The following ASMTL variants were observed in gnomAD, a reference collection of about 807,000 sequenced individuals.
ASMTL encodes probable bifunctional dTTP/UTP pyrophosphatase/methyltransferase protein.
A neutral mutation model predicts 60.3 loss-of-function variants in ASMTL; 57 were observed. That is an observed-to-expected ratio of 0.95 (90% CI 0.76 to 1.18). The LOEUF (loss-of-function observed/expected upper bound fraction) is 1.18. Among genes scored for constraint, ASMTL ranks in the 50% most tolerant of loss-of-function variants. The probability of loss-of-function intolerance (pLI) is 0.00; values close to 1 mark genes in which losing one functional copy is unlikely to be tolerated. For missense variants in ASMTL, 981 were observed against 852.6 expected, an observed-to-expected ratio of 1.15 and a Z score of -1.88; for synonymous variants, 419 against 373.0, an observed-to-expected ratio of 1.12 and a Z score of -1.42.
chrX:1,452,271 A>G (rs1305556646), intron 1 of ASMTL, among the ~76,000 whole-genome samples: 1 of 52,512 alleles, frequency 1.9e-5, no homozygotes. Flanking sequence ...TTACTCCCCC[A>G]CCCCCATCCC....
chrX:1,408,139 TGCA>T (rs1259564766), intron 12 of ASMTL, among the ~76,000 whole-genome samples: 1 of 116,792 alleles, frequency 8.6e-6, no homozygotes, highest in Non-Finnish European at 1.9e-5. Context: ...AGGTCAAGGC[TGCA>T]GTGAACTATG....
At chrX:1,446,632 T>A (rs1448973399) in intron 1 of ASMTL, among the ~76,000 whole-genome samples, 1 of 151,854 alleles carries the variant, frequency 6.6e-6, no homozygotes, top group African/African-American at 2.4e-5. Flanking sequence ...CCCAAGTAGC[T>A]GGGACTGCAG....
intron 1 of ASMTL, among the ~76,000 whole-genome samples, chrX:1,448,090 GCCATCTTGGATAAGCACCA>G (rs1221087441): frequency 1.4e-5 from 2 of 141,966 alleles, no homozygotes; most frequent in East Asian, 4.3e-4. Context: ...GACACACACA[GCCATCTTGGATAAGCACCA>G]CCATCTTGGA....
intron 11 of ASMTL, among the ~76,000 whole-genome samples, chrX:1,415,532 C>G (rs1222134163): frequency 6.7e-6 from 1 of 149,526 alleles, no homozygotes; most frequent in African/African-American, 2.5e-5. Context: ...GTGGTGAGAT[C>G]TCAGCTCACT....
chrX:1,412,060 G>A (rs1173385795), intron 12 of ASMTL, among the ~76,000 whole-genome samples: 25 of 151,140 alleles, frequency 1.7e-4, no homozygotes, highest in African/African-American at 5.8e-4. Flanking sequence ...CAGGTGATCC[G>A]CCCGCCTCGG....
intron 1 of ASMTL, among the ~76,000 whole-genome samples, chrX:1,445,595 T>G (rs1338085917): frequency 6.6e-6 from 1 of 152,124 alleles, no homozygotes; most frequent in Non-Finnish European, 1.5e-5. Flanking sequence ...CTATGTCAAG[T>G]TGCACCTCTC....
intron 3 of ASMTL, among the ~76,000 whole-genome samples, chrX:1,437,682 G>C (rs1347958727): frequency 1.3e-5 from 2 of 151,984 alleles, no homozygotes; most frequent in Non-Finnish European, 2.9e-5. Flanking sequence ...TGGATCACAA[G>C]GTCAGGAGAT....
chrX:1,415,214 T>TCCAGGTGTGAGCCTGGGCACGTGGC (rs1556655725), intron 11 of ASMTL, among the ~76,000 whole-genome samples: 1 of 151,926 alleles, frequency 6.6e-6, no homozygotes, highest in Admixed American at 6.5e-5. Flanking sequence ...GGGCTGGGAT[T>TCCAGGTGTGAGCCTGGGCACGTGGC]CCAGGCGTCT....
chrX:1,452,116 CT>C (rs1350920471), intron 1 of ASMTL, among the ~76,000 whole-genome samples: 11 of 145,862 alleles, frequency 7.5e-5, no homozygotes, highest in Middle Eastern at 4.2e-3. Flanking sequence ...CTAGGGGGTC[CT>C]GGGTCACTCT....
intron 3 of ASMTL, among the ~76,000 whole-genome samples, chrX:1,436,335 G>T (rs2090963157): frequency 6.6e-6 from 1 of 151,774 alleles, no homozygotes; most frequent in Non-Finnish European, 1.5e-5. Context: ...CACCATGCCT[G>T]GCTAATTTTT....
chrX:1,443,531 G>GCCATCTTGGACAGACACCT (rs2091165274), intron 1 of ASMTL, among the ~76,000 whole-genome samples: 1 of 149,232 alleles, frequency 6.7e-6, no homozygotes, highest in African/African-American at 2.5e-5. Context: ...GACACACACC[G>GCCATCTTGGACAGACACCT]CCATCTTGGA....
At position 1,412,654 on chromosome X, in the gene ASMTL, C is replaced by T. The variant is rs182964699; in HGVS notation, c.1645+78G>A. ...CTGGGATGACAGGCGTGAGCCACCG[C>T]GCCCGGCCTCCTTGTAAAACTTGAA... On this transcript the variant is annotated intron_variant, in intron 12 of 12. Coordinates refer to ENST00000381317, the MANE Select transcript of ASMTL (RefSeq NM_004192.4). 3.7e-4 allele frequency: 595 copies of T among 1,599,616 alleles called. 1 individual carries two copies. In the African/African-American group the frequency reaches 5.7e-3, roughly 15 times the overall value.
chrX:1,451,651 G>C (rs1454220711), intron 1 of ASMTL, among the ~76,000 whole-genome samples: 1 of 146,360 alleles, frequency 6.8e-6, no homozygotes, highest in African/African-American at 2.6e-5. Context: ...GGGGGGTCCC[G>C]GGTCACTTGA....
At chrX:1,434,059 C>T (rs1200130364) in intron 5 of ASMTL, among the ~76,000 whole-genome samples, 1 of 152,128 alleles carries the variant, frequency 6.6e-6, no homozygotes, top group African/African-American at 2.4e-5. Context: ...GTGGGATCTG[C>T]GCTAACTCCG....
At chrX:1,448,774 G>T (rs2091287510) in intron 1 of ASMTL, among the ~76,000 whole-genome samples, 1 of 150,722 alleles carries the variant, frequency 6.6e-6, no homozygotes, top group Non-Finnish European at 1.5e-5. Flanking sequence ...CACCATCTTG[G>T]ACACACACCG....
intron 7 of ASMTL, among the ~76,000 whole-genome samples, chrX:1,427,136 A>C (rs2149313375): frequency 6.6e-6 from 1 of 152,136 alleles, no homozygotes; most frequent in African/African-American, 2.4e-5. Context: ...GAAGAGACAC[A>C]GACACAGAGG....
chrX:1,421,627 C>A, intron 9 of ASMTL, 31 bp downstream of exon 9: 1 of 1,612,806 alleles, frequency 6.2e-7, no homozygotes. Context: ...GCACGCTAGA[C>A]GGAAAGGTGT....
At chrX:1,421,895 C>T in intron 8 of ASMTL, 53 bp from the exon 9 acceptor site, 1 of 1,543,742 alleles carries the variant, frequency 6.5e-7, no homozygotes, top group Admixed American at 1.7e-5. Context: ...CCCAAGGAAA[C>T]CTGACCGTAG....
intron 3 of ASMTL, among the ~76,000 whole-genome samples, chrX:1,437,431 G>A (rs1378819354): frequency 2.7e-5 from 4 of 150,442 alleles, no homozygotes; most frequent in South Asian, 2.1e-4. Flanking sequence ...GGTGTGGGCA[G>A]GGCTGGTTCC....
Sources: gnomAD v4.1 joint callset for allele counts (sites outside exome capture counted in the v4.1 genomes callset) on GRCh38, gnomAD v4.1.1 for gene constraint, MANE v1.5 for transcripts, NCBI Gene and HGNC (gene_info 2026-07-23, HGNC 2026-07-21) for gene names.